Variants in REPS1 observed in about 807,000 individuals in gnomAD.
The protein encoded by REPS1 is ralBP1-associated Eps domain-containing protein 1.
In REPS1, 39 loss-of-function variants were observed where a neutral mutation model predicts 100.9. The ratio of observed to expected loss-of-function variants is 0.39; its 90% CI spans 0.30 to 0.50. The LOEUF is 0.50. Ranked by LOEUF, REPS1 falls within the 20% of genes least tolerant of loss-of-function variation. The pLI is 0.86. For synonymous variants in REPS1, 324 were observed against 340.3 expected (o/e 0.95, Z 0.53); for missense variants, 821 against 968.5 (o/e 0.85, Z 2.02).
intron 1 of REPS1, among the ~76,000 whole-genome samples, chr6:138,962,424 A>G (rs985367647): frequency 6.6e-6 from 1 of 151,886 alleles, no homozygotes; most frequent in South Asian, 2.1e-4. Context: ...TATATAAAAT[A>G]TAATAGCTTT....
intron 1 of REPS1, among the ~76,000 whole-genome samples, chr6:138,979,439 T>C (rs1425120585): frequency 6.6e-6 from 1 of 152,142 alleles, no homozygotes; most frequent in Non-Finnish European, 1.5e-5. Flanking sequence ...TAAACTTCTT[T>C]AAAAGCTATC....
chr6:138,944,474 T>C (rs539226883), intron 5 of REPS1, 24 bp downstream of exon 5: 2 of 1,608,148 alleles, frequency 1.2e-6, no homozygotes, highest in South Asian at 2.2e-5. Flanking sequence ...CAAATAAAAA[T>C]GCAATACCAA....
At chr6:138,953,359 A>G (rs753410930) in intron 1 of REPS1, among the ~76,000 whole-genome samples, 19 of 152,184 alleles carry the variant, frequency 1.2e-4, no homozygotes, top group Admixed American at 2.6e-4. Flanking sequence ...GTATCAAACT[A>G]AAAACTTCTG....
chr6:138,934,573 A>G (rs1173655695), intron 8 of REPS1, among the ~76,000 whole-genome samples: 1 of 152,106 alleles, frequency 6.6e-6, no homozygotes, highest in African/African-American at 2.4e-5. Flanking sequence ...CTGCTAAACA[A>G]CCTCTTTCTC....
In REPS1 at chr6:138,987,708, C is replaced by A. The variant is rs1275637340; in HGVS notation, c.-26G>T. On this transcript the variant is annotated 5_prime_UTR_variant, in exon 1 of 20. Transcript: ENST00000450536. ...CTTCGCCTCCGGCTCACGGCCGCCC[C>A]GCCCCGCATGCACTACTCGGGGCCC... 1.3e-6 allele frequency: 2 copies of A among 1,528,288 alleles called. No homozygotes were observed. Among genetic ancestry groups the A allele is most frequent in the Middle Eastern group, 1.7e-4 (1 of 5,912 alleles). 94.7% of individuals were successfully genotyped at this position (1,528,288 alleles called of 1,614,324 possible).
At chr6:138,925,318 G>C (rs545215467) in intron 10 of REPS1, among the ~76,000 whole-genome samples, 228 of 152,282 alleles carry the variant, frequency 1.5e-3, no homozygotes, top group Non-Finnish European at 2.7e-3. Flanking sequence ...AGTGAGCTGA[G>C]ATCGCACCAC....
intron 10 of REPS1, among the ~76,000 whole-genome samples, chr6:138,922,343 T>A (rs550598961): frequency 7.9e-5 from 12 of 152,308 alleles, no homozygotes; most frequent in Admixed American, 3.9e-4. Context: ...CCATTTTTTT[T>A]AAGAGGAACA....
rs148126946 is a variant in REPS1 at position 138,963,178 on chromosome 6, A to G, written c.154-15265T>C. Reference sequence around the variant, plus strand: ...AAATTACACCCTTCCTTCATTCATGATACATCTTAAGACCTACTTCCTTCC... The same window carrying G: ...AAATTACACCCTTCCTTCATTCATGGTACATCTTAAGACCTACTTCCTTCC... On this transcript the variant is annotated intron_variant, in intron 1 of 19. Coordinates refer to ENST00000450536, the MANE Select transcript of REPS1 (RefSeq NM_001286611.2). Among the ~76,000 whole-genome samples, 416 of 152,308 alleles carry G rather than the reference A, an allele frequency of 2.7e-3. 1 individual carries two copies. Among genetic ancestry groups the G allele is most frequent in the Non-Finnish European group, 4.1e-3 (281 of 68,032 alleles).
intron 17 of REPS1, among the ~76,000 whole-genome samples, chr6:138,910,333 T>C (rs1432356316): frequency 6.6e-6 from 1 of 152,180 alleles, no homozygotes; most frequent in Admixed American, 6.5e-5. Context: ...CTGTACAGCA[T>C]GCAGAACCAT....
At chr6:138,926,035 A>G (rs1157434321) in intron 10 of REPS1, among the ~76,000 whole-genome samples, 1 of 152,240 alleles carries the variant, frequency 6.6e-6, no homozygotes. Flanking sequence ...TGTAGGACAT[A>G]TTACATGATG....
At chr6:138,965,183 C>T (rs1783948016) in intron 1 of REPS1, among the ~76,000 whole-genome samples, 1 of 152,114 alleles carries the variant, frequency 6.6e-6, no homozygotes, top group African/African-American at 2.4e-5. Flanking sequence ...ATCAGTCTCA[C>T]TGTCATTGTT....
At chr6:138,935,033 AATG>A (rs918027954) in intron 8 of REPS1, among the ~76,000 whole-genome samples, 19 of 152,218 alleles carry the variant, frequency 1.2e-4, no homozygotes, top group African/African-American at 4.6e-4. Context: ...TTTTTTCTTG[AATG>A]ATATTATATG....
intron 9 of REPS1, 98 bp downstream of exon 9, chr6:138,929,872 AATTATGC>A: frequency 9.2e-7 from 1 of 1,090,316 alleles, no homozygotes; most frequent in Non-Finnish European, 1.3e-6. Context: ...ATGTTCTCTC[AATTATGC>A]ATGCATGCTG....
chr6:138,949,621 G>A (rs1462807473), intron 1 of REPS1, among the ~76,000 whole-genome samples: 5 of 152,050 alleles, frequency 3.3e-5, no homozygotes, highest in African/African-American at 1.2e-4. Context: ...AAGTACTCGG[G>A]GGGCTGAGGT....
At chr6:138,911,891 G>C (rs1031580330) in intron 16 of REPS1, among the ~76,000 whole-genome samples, 6 of 152,150 alleles carry the variant, frequency 3.9e-5, no homozygotes, top group Non-Finnish European at 8.8e-5. Context: ...AGGGAGAGGA[G>C]GACGGGGTGA....
intron 13 of REPS1, chr6:138,916,196 A>T (rs2128437815): frequency 6.1e-5 from 23 of 376,684 alleles, no homozygotes; most frequent in Non-Finnish European, 8.5e-5. Flanking sequence ...TAATAAAGTT[A>T]TTAAGCAAAA....
rs574845492 is a variant in REPS1 at position 138,975,707 on chromosome 6, G to A, written c.153+11823C>T. 1.1e-3 allele frequency among the ~76,000 whole-genome samples: 161 copies of A among 152,212 alleles called. 1 individual carries two copies. The highest frequency in any genetic ancestry group is 1.7e-3 in the Non-Finnish European group (115 of 68,016). ...AAATTAGCTGGGCGCAGTGGCAGGC[G>A]CCTGTAATCCCAGCTACTCGAGAGG... On this transcript the variant is annotated intron_variant, in intron 1 of 19. Coordinates refer to ENST00000450536, the MANE Select transcript of REPS1 (RefSeq NM_001286611.2).
intron 1 of REPS1, among the ~76,000 whole-genome samples, chr6:138,975,087 C>T (rs1243185107): frequency 6.6e-6 from 1 of 152,130 alleles, no homozygotes; most frequent in African/African-American, 2.4e-5. Context: ...TCTAAAGCCA[C>T]CTAGCTACTA....
intron 1 of REPS1, among the ~76,000 whole-genome samples, chr6:138,967,113 C>A (rs779007339): frequency 1.3e-5 from 2 of 152,260 alleles, no homozygotes; most frequent in Non-Finnish European, 2.9e-5. Context: ...CGCTCCTGCG[C>A]ATGCAATTGT....
Sources: allele counts gnomAD v4.1 joint callset (sites outside exome capture counted in the v4.1 genomes callset), GRCh38; gene constraint gnomAD v4.1.1; transcripts MANE v1.5; gene names NCBI Gene and HGNC (gene_info 2026-07-23, HGNC 2026-07-21).